The following ARHGAP8 variants were observed in gnomAD, a reference collection of about 807,000 sequenced individuals.
ARHGAP8 encodes Rho GTPase activating protein 8, also known as rho GTPase-activating protein 8.
A neutral mutation model predicts 46.1 loss-of-function variants in ARHGAP8; 62 were observed. The ratio of observed to expected loss-of-function variants is 1.34; its 90% CI spans 1.10 to 1.66. The LOEUF (loss-of-function observed/expected upper bound fraction) is 1.66. Among genes scored for constraint, ARHGAP8 ranks in the 40% most tolerant of loss-of-function variants. The pLI is 0.00. For missense variants in ARHGAP8, 923 were observed against 568.4 expected, an observed-to-expected ratio of 1.62 and a Z score of -6.34; for synonymous variants, 375 against 243.1, an observed-to-expected ratio of 1.54 and a Z score of -5.05.
chr22:44,840,884 TGAG>T (rs1396776345), intron 7 of ARHGAP8, among the ~76,000 whole-genome samples: 3 of 152,244 alleles, frequency 2.0e-5, no homozygotes, highest in Middle Eastern at 6.8e-3. Flanking sequence ...CTGGAGTGTC[TGAG>T]GTGAGCCAGG....
intron 2 of ARHGAP8, among the ~76,000 whole-genome samples, chr22:44,797,357 A>G (rs913589882): frequency 6.6e-6 from 1 of 151,418 alleles, no homozygotes; most frequent in African/African-American, 2.4e-5. Flanking sequence ...CTGTTATTCC[A>G]CAGGAGGAGG....
rs1388194192 is a variant in ARHGAP8, at chr22:44,856,768, A to C, written c.878-2963A>C. ...ACAGTGACTCTTCCTGGGAGGCTGAAGATCACCGAGGACTCCTCGAGATCA... is the reference window on the plus strand; with the variant it reads ...ACAGTGACTCTTCCTGGGAGGCTGACGATCACCGAGGACTCCTCGAGATCA... On this transcript the variant is annotated intron_variant, in intron 10 of 11. Transcript: ENST00000356099. Among the ~76,000 whole-genome samples, 3 of 143,578 alleles carry C rather than the reference A, an allele frequency of 2.1e-5. 1 individual carries two copies. Among genetic ancestry groups the C allele is most frequent in the African/African-American group, 8.4e-5 (3 of 35,520 alleles). 94.2% of individuals were successfully genotyped at this position (143,578 alleles called of 152,430 possible). A position where few individuals can be genotyped will look rare whatever the true frequency, so the allele number is the denominator to read the frequency against.
chr22:44,815,450 T>G (rs553925757), intron 5 of ARHGAP8, among the ~76,000 whole-genome samples: 51 of 151,532 alleles, frequency 3.4e-4, no homozygotes, highest in Admixed American at 1.6e-3. Flanking sequence ...TCTGTGGTGT[T>G]GGCCCAAGGT....
chr22:44,786,424 T>C (rs1335554583), intron 1 of ARHGAP8, 33 bp from the exon 2 acceptor site: 4 of 1,554,188 alleles, frequency 2.6e-6, no homozygotes, highest in Admixed American at 2.0e-5. Flanking sequence ...TACTGGAGAA[T>C]GCACTGACTT....
intron 10 of ARHGAP8, among the ~76,000 whole-genome samples, chr22:44,858,333 A>G (rs1223259464): frequency 6.6e-6 from 1 of 150,670 alleles, no homozygotes; most frequent in Non-Finnish European, 1.5e-5. Context: ...ATGCACCCGC[A>G]GCGGGAACTT....
intron 7 of ARHGAP8, among the ~76,000 whole-genome samples, chr22:44,828,980 C>T (rs190915549): frequency 1.1e-4 from 17 of 151,726 alleles, no homozygotes; most frequent in East Asian, 1.9e-4. Flanking sequence ...ACTTTAAAAA[C>T]GAAAAACAAA....
chr22:44,787,709 G>A (rs1261246030), intron 2 of ARHGAP8, among the ~76,000 whole-genome samples: 1 of 152,178 alleles, frequency 6.6e-6, no homozygotes, highest in South Asian at 2.1e-4. Context: ...CAACCCTCAC[G>A]TTGATGTCCC....
At chr22:44,813,240 A>G (rs1022193407) in intron 4 of ARHGAP8, among the ~76,000 whole-genome samples, 7 of 151,808 alleles carry the variant, frequency 4.6e-5, no homozygotes, top group African/African-American at 9.7e-5. Flanking sequence ...GTGTGAATGT[A>G]CATATACATA....
At chr22:44,767,984 CTTTTTTTTTTTTTTTT>C (rs1167255172) in intron 1 of ARHGAP8, among the ~76,000 whole-genome samples, 2 of 47,228 alleles carry the variant, frequency 4.2e-5, no homozygotes, top group South Asian at 1.1e-3. Context: ...CGCATGATGT[CTTTTTTTTTTTTTTTT>C]TTTTTTTTTT....
chr22:44,845,399 G>T (rs2069929714), intron 8 of ARHGAP8, 57 bp downstream of exon 8: 2 of 1,610,462 alleles, frequency 1.2e-6, no homozygotes, highest in South Asian at 1.1e-5. Context: ...GCACCTCTCT[G>T]GGTGGTTTGT....
intron 7 of ARHGAP8, among the ~76,000 whole-genome samples, chr22:44,832,370 G>C (rs1021751945): frequency 6.6e-6 from 1 of 151,930 alleles, no homozygotes; most frequent in Admixed American, 6.6e-5. Flanking sequence ...GGGACTACAG[G>C]TGTGTGCTAC....
At chr22:44,797,418 C>G (rs1047382962) in intron 2 of ARHGAP8, among the ~76,000 whole-genome samples, 5 of 152,060 alleles carry the variant, frequency 3.3e-5, no homozygotes, top group African/African-American at 1.2e-4. Flanking sequence ...GTGGTAGACA[C>G]TTTGTCTGGA....
chr22:44,798,212 G>T (rs5766034), intron 2 of ARHGAP8, among the ~76,000 whole-genome samples: 15,758 of 151,710 alleles, frequency 0.1, 1,169 homozygotes, highest in East Asian at 0.43. Flanking sequence ...CTCACCTAGG[G>T]TGATCCACCC....
Position 44,859,803 on chromosome 22 carries a change from T to C in ARHGAP8, c.950T>C (p.Val317Ala). Residue 317 changes from valine (V) to alanine (A), a missense_variant, in exon 11 of 12, where the codon GTC (valine) becomes GCC (alanine). Coordinates refer to ENST00000356099, the MANE Select transcript of ARHGAP8 (RefSeq NM_181335.3). ...LRSLPEHNYV[V>A]LRYLMGFLHA... Reference sequence around the variant, plus strand: ...AGCCTCCCAGAGCACAACTACGTCGTCCTCCGCTACCTCATGGGCTTCCTG... The same window carrying C: ...AGCCTCCCAGAGCACAACTACGTCGCCCTCCGCTACCTCATGGGCTTCCTG... 1.2e-6 allele frequency: 2 copies of C among 1,614,024 alleles called. No homozygotes were observed. The highest frequency in any genetic ancestry group is 1.7e-6 in the Non-Finnish European group (2 of 1,180,010).
intron 1 of ARHGAP8, among the ~76,000 whole-genome samples, chr22:44,761,104 C>T (rs971443174): frequency 4.6e-5 from 7 of 152,208 alleles, no homozygotes; most frequent in African/African-American, 1.4e-4. Flanking sequence ...CTAGGCACCA[C>T]GGATACTGTT....
At chr22:44,781,154 G>A (rs912756271) in intron 1 of ARHGAP8, among the ~76,000 whole-genome samples, 3 of 152,178 alleles carry the variant, frequency 2.0e-5, no homozygotes, top group African/African-American at 4.8e-5. Context: ...CTGACGACCC[G>A]CCGCTCTGGA....
chr22:44,818,215 G>A (rs1389157659), intron 5 of ARHGAP8, among the ~76,000 whole-genome samples: 1 of 152,088 alleles, frequency 6.6e-6, no homozygotes, highest in Non-Finnish European at 1.5e-5. Context: ...TTGGGAGGCC[G>A]AGATGGGAGG....
chr22:44,785,709 T>C (rs1368522946), intron 1 of ARHGAP8, among the ~76,000 whole-genome samples: 1 of 152,182 alleles, frequency 6.6e-6, no homozygotes, highest in Non-Finnish European at 1.5e-5. Flanking sequence ...TCCTGTTCTT[T>C]TTTGCAGCTG....
intron 7 of ARHGAP8, among the ~76,000 whole-genome samples, chr22:44,832,865 A>G (rs1158855322): frequency 6.6e-6 from 1 of 152,126 alleles, no homozygotes; most frequent in Non-Finnish European, 1.5e-5. Flanking sequence ...AGCAGCATGT[A>G]CCTATATTCT....
Sources: allele counts gnomAD v4.1 joint callset (sites outside exome capture counted in the v4.1 genomes callset), GRCh38; gene constraint gnomAD v4.1.1; transcripts MANE v1.5; gene names NCBI Gene and HGNC (gene_info 2026-07-23, HGNC 2026-07-21).